The following ABCA4 variants were observed in gnomAD, a reference collection of about 807,000 sequenced individuals.
The protein encoded by ABCA4 is retinal-specific phospholipid-transporting ATPase ABCA4.
Under a neutral mutation model 263.7 loss-of-function variants are expected in ABCA4, and 196 were observed. That is an observed-to-expected ratio of 0.74 (90% CI 0.66 to 0.84). ABCA4 has a LOEUF of 0.84. ABCA4 is among the 40% of genes least tolerant of loss of function. ABCA4 has a pLI of 0.00. For missense variants in ABCA4, 2,792 were observed against 2,855.1 expected, an observed-to-expected ratio of 0.98 and a Z score of 0.50; for synonymous variants, 1,133 against 1,094.2, an observed-to-expected ratio of 1.04 and a Z score of -0.70.
chr1:94,109,811 C>T (rs1662553596), intron 3 of ABCA4, among the ~76,000 whole-genome samples: 1 of 152,184 alleles, frequency 6.6e-6, no homozygotes, highest in South Asian at 2.1e-4. Flanking sequence ...TTTAAGATTG[C>T]TTGAATGGGT....
chr1:94,096,499 A>G (rs1252588553), intron 6 of ABCA4, among the ~76,000 whole-genome samples: 4 of 152,204 alleles, frequency 2.6e-5, no homozygotes, highest in African/African-American at 7.2e-5. Flanking sequence ...GCCTGCATAC[A>G]GAAACCGAGA....
At chr1:94,093,088 C>T (rs1054759334) in intron 6 of ABCA4, among the ~76,000 whole-genome samples, 8 of 152,056 alleles carry the variant, frequency 5.3e-5, no homozygotes, top group Non-Finnish European at 8.8e-5. Flanking sequence ...CAGCAGCTGC[C>T]CAGGCCTGTG....
At chr1:94,088,653 T>G (rs1661893678) in intron 6 of ABCA4, among the ~76,000 whole-genome samples, 1 of 152,206 alleles carries the variant, frequency 6.6e-6, no homozygotes, top group African/African-American at 2.4e-5. Flanking sequence ...ATCTCCAGCC[T>G]GGAGATCCAG....
chr1:94,042,098 C>CAAAAAAAAAAAAAAAAAAA (rs11334956), intron 22 of ABCA4, among the ~76,000 whole-genome samples: 4 of 81,266 alleles, frequency 4.9e-5, no homozygotes, highest in Non-Finnish European at 6.9e-5. Context: ...GATTCTGTCT[C>CAAAAAAAAAAAAAAAAAAA]AAAAAAAAAA....
At chr1:93,996,399 C>G (rs1659004749) in intron 48 of ABCA4, among the ~76,000 whole-genome samples, 1 of 152,228 alleles carries the variant, frequency 6.6e-6, no homozygotes, top group South Asian at 2.1e-4. Flanking sequence ...AGACTAGACT[C>G]CTGAGTGATG....
At chr1:94,052,512 A>G (rs1660866064) in intron 16 of ABCA4, among the ~76,000 whole-genome samples, 1 of 152,202 alleles carries the variant, frequency 6.6e-6, no homozygotes, top group Middle Eastern at 3.2e-3. Flanking sequence ...GCTGAGCCTC[A>G]TGCACAGGTG....
At chr1:94,063,701 GC>G (rs747994814) in intron 11 of ABCA4, among the ~76,000 whole-genome samples, 1 of 152,042 alleles carries the variant, frequency 6.6e-6, no homozygotes, top group Non-Finnish European at 1.5e-5. Flanking sequence ...AGATCAGAAA[GC>G]CTGACGATTA....
intron 11 of ABCA4, 46 bp from the exon 12 acceptor site, chr1:94,063,363 CAA>C: frequency 6.4e-7 from 1 of 1,562,316 alleles, no homozygotes; most frequent in Non-Finnish European, 8.8e-7. Context: ...GGACCAACTG[CAA>C]AGACTCAACT....
chr1:94,031,965 G>A lies in ABCA4; in HGVS notation c.3941C>T (p.Pro1314Leu), dbSNP rs2101037181. Residue 1314 changes from proline to leucine, a missense_variant, in exon 27 of 50, where the codon CCC becomes CTC. Transcript: ENST00000370225. ...TGGGGAGCAGACATTGGAGTCCTGG[G>A]GTGTCTGTCCAGCCTTCTCTCTGGG... is the stretch of plus-strand genomic sequence containing the variant. ...LGPREKAGQT[P>L]QDSNVCSPGA... The A allele has an allele frequency of 8.7e-6, 14 of 1,614,076 alleles. No individual in the cohort carries two copies. Among genetic ancestry groups the A allele is most frequent in the Non-Finnish European group, 1.0e-5 (12 of 1,180,030 alleles).
intron 13 of ABCA4, among the ~76,000 whole-genome samples, chr1:94,061,621 C>CA (rs1258846771): frequency 6.6e-6 from 1 of 152,138 alleles, no homozygotes; most frequent in African/African-American, 2.4e-5. Flanking sequence ...AGGACTCTCC[C>CA]ATACCAAATG....
intron 14 of ABCA4, 103 bp downstream of exon 14, chr1:94,060,434 C>T: frequency 9.0e-7 from 1 of 1,106,324 alleles, no homozygotes; most frequent in Non-Finnish European, 1.4e-6. Context: ...AGATGTCACG[C>T]TCTCCTTGGT....
rs61750653 is a variant in ABCA4, at chr1:94,000,900, G to T, written c.6415C>A (p.Arg2139=). 1.2e-6 allele frequency: 2 copies of T among 1,614,186 alleles called. No homozygotes were observed. The highest frequency in any genetic ancestry group is 1.7e-6 in the Non-Finnish European group (2 of 1,180,030). ...SMEECEALCT[R]LAIMVKGAFR... is the part of the protein sequence containing the mutation. Reference sequence around the variant, plus strand: ...GCGCCCTTTACCATGATGGCCAGCCGGGTACACAGTGCCTCACATTCTTCC... The same window carrying T: ...GCGCCCTTTACCATGATGGCCAGCCTGGTACACAGTGCCTCACATTCTTCC... Residue 2139 remains arginine, a synonymous_variant, in exon 47 of 50, where the codon CGG becomes AGG. Coordinates refer to ENST00000370225, the MANE Select transcript of ABCA4 (RefSeq NM_000350.3).
intron 31 of ABCA4, among the ~76,000 whole-genome samples, chr1:94,024,235 C>T (rs1234522873): frequency 1.3e-5 from 2 of 152,136 alleles, no homozygotes; most frequent in Admixed American, 6.5e-5. Context: ...AGAGCCTGTG[C>T]GGACTGGACC....
rs1660446569 is a variant in ABCA4, at chr1:94,040,052, C to G, written c.3598G>C (p.Val1200Leu). 1 of 1,605,076 alleles carries G rather than the reference C, an allele frequency of 6.2e-7. No homozygotes were observed. ...CCCGTCCAGTCCTTACCATCCAGGACTTGTTCTGGAGTTAGGTCATCGACG... is the reference window on the plus strand; with the variant it reads ...CCCGTCCAGTCCTTACCATCCAGGAGTTGTTCTGGAGTTAGGTCATCGACG... ...AHVDDLTPEQ[V>L]LDGDVNELMD... is the part of the protein sequence containing the mutation. The change falls in exon 24 of 50, where the codon GTC (valine) becomes CTC (leucine). Residue 1200 changes from valine to leucine, a missense_variant. Val to Leu is a conservative substitution (Grantham distance 32). Coordinates refer to ENST00000370225, the MANE Select transcript of ABCA4 (RefSeq NM_000350.3).
Position 94,001,903 on chromosome 1 carries a change from G to A in ABCA4, c.6237C>T (p.Leu2079=). 1 of 1,614,248 alleles carries A rather than the reference G, an allele frequency of 6.2e-7. No individual in the cohort carries two copies. Among genetic ancestry groups the A allele is most frequent in the African/African-American group, 1.3e-5 (1 of 75,056 alleles). Reference sequence around the variant, plus strand: ...AGCCAATGAGTGCGATGGCTGTGGAGAGTTTCCGCTTGTTGCCCCCACTGT... The same window carrying A: ...AGCCAATGAGTGCGATGGCTGTGGAAAGTTTCCGCTTGTTGCCCCCACTGT... ...GTYSGGNKRK[L]STAIALIGCP... is the part of the protein sequence containing the mutation. Residue 2079 remains leucine (L), a synonymous_variant, in exon 45 of 50, where the codon CTC becomes CTT. Coordinates refer to ENST00000370225, the MANE Select transcript of ABCA4 (RefSeq NM_000350.3).
intron 38 of ABCA4, 84 bp downstream of exon 38, chr1:94,014,459 G>A (rs189526468): frequency 4.3e-5 from 64 of 1,502,968 alleles, no homozygotes; most frequent in South Asian, 3.9e-4. Context: ...CTACATGTAC[G>A]ATGCTTGCCC....
chr1:94,018,659 C>T (rs149822911), intron 36 of ABCA4: 281 of 449,936 alleles, frequency 6.2e-4, no homozygotes, highest in African/African-American at 5.1e-3. Context: ...GAAATGGAGG[C>T]TCATGTTGGT....
intron 19 of ABCA4, 131 bp from the exon 20 acceptor site, chr1:94,044,875 C>T: frequency 6.9e-7 from 1 of 1,458,782 alleles, no homozygotes; most frequent in Non-Finnish European, 9.5e-7. Context: ...AACTCAAACC[C>T]CTATTAGCTG....
chr1:94,029,208 G>T (rs1327437763), intron 30 of ABCA4, among the ~76,000 whole-genome samples: 3 of 152,028 alleles, frequency 2.0e-5, no homozygotes, highest in African/African-American at 7.2e-5. Flanking sequence ...TTTTCTACTA[G>T]ATCAAATAGG....
Sources: allele counts gnomAD v4.1 joint callset (sites outside exome capture counted in the v4.1 genomes callset), GRCh38; gene constraint gnomAD v4.1.1; transcripts MANE v1.5; gene names NCBI Gene and HGNC (gene_info 2026-07-23, HGNC 2026-07-21).